GPM6A: variants seen among roughly 807,000 people sequenced by gnomAD.
GPM6A encodes neuronal membrane glycoprotein M6-a.
In GPM6A, 7 loss-of-function variants were observed where a neutral mutation model predicts 32.1. The observed-to-expected ratio is 0.22, with a 90% CI of 0.12 to 0.41. The LOEUF (loss-of-function observed/expected upper bound fraction) is 0.41. GPM6A is among the 10% of genes least tolerant of loss of function. GPM6A has a pLI of 1.00. For synonymous variants in GPM6A, 130 were observed against 123.4 expected (o/e 1.05, Z -0.35); for missense variants, 235 against 347.2 (o/e 0.68, Z 2.57).
chr4:175,917,925 C>T (rs566737780), intron 1 of GPM6A, among the ~76,000 whole-genome samples: 108 of 152,082 alleles, frequency 7.1e-4, no homozygotes, highest in Non-Finnish European at 1.2e-3. Context: ...CCTTCTTTCC[C>T]GGTTCCCTAT....
chr4:175,730,572 G>T (rs1424304556), intron 1 of GPM6A, among the ~76,000 whole-genome samples: 1 of 151,938 alleles, frequency 6.6e-6, no homozygotes, highest in East Asian at 1.9e-4. Context: ...CCGGGTTCAC[G>T]CCATTCTCCT....
chr4:175,910,728 C>A (rs1738287478), intron 1 of GPM6A, among the ~76,000 whole-genome samples: 1 of 152,174 alleles, frequency 6.6e-6, no homozygotes, highest in South Asian at 2.1e-4. Flanking sequence ...AATAATTCCA[C>A]ACTTTTTCTG....
At chr4:175,691,799 T>G (rs1278720906) in intron 2 of GPM6A, among the ~76,000 whole-genome samples, 1 of 152,186 alleles carries the variant, frequency 6.6e-6, no homozygotes, top group African/African-American at 2.4e-5. Flanking sequence ...GTGAGGAGAT[T>G]ACCCTGGATT....
chr4:175,730,219 CTTTT>C (rs1324007213), intron 1 of GPM6A, among the ~76,000 whole-genome samples: 21 of 151,964 alleles, frequency 1.4e-4, no homozygotes, highest in Admixed American at 1.4e-3. Flanking sequence ...ATTTTTACAT[CTTTT>C]TGTCATTTTC....
chr4:175,901,135 G>C (rs1317195046), intron 1 of GPM6A, among the ~76,000 whole-genome samples: 2 of 151,554 alleles, frequency 1.3e-5, no homozygotes, highest in African/African-American at 2.4e-5. Flanking sequence ...GAAGGATAGT[G>C]GGGGGCTGAG....
chr4:175,759,524 C>A (rs17658458), intron 1 of GPM6A, among the ~76,000 whole-genome samples: 55,048 of 151,864 alleles, frequency 0.36, 10,517 homozygotes, highest in Non-Finnish European at 0.43. Flanking sequence ...CCTATGCTGG[C>A]AATCAACCTA....
At chr4:175,724,852 A>G (rs1746323783) in intron 1 of GPM6A, among the ~76,000 whole-genome samples, 1 of 151,776 alleles carries the variant, frequency 6.6e-6, no homozygotes, top group Admixed American at 6.6e-5. Flanking sequence ...TGTCCCTCAT[A>G]ACTGCTCCGA....
At chr4:175,676,535 A>G (rs1322987517) in intron 2 of GPM6A, among the ~76,000 whole-genome samples, 2 of 152,182 alleles carry the variant, frequency 1.3e-5, no homozygotes, top group Non-Finnish European at 2.9e-5. Flanking sequence ...GATCACTTGA[A>G]CCATAGTTCG....
intron 3 of GPM6A, among the ~76,000 whole-genome samples, chr4:175,657,143 A>G (rs145710933): frequency 4.6e-5 from 7 of 152,330 alleles, no homozygotes; most frequent in Non-Finnish European, 8.8e-5. Context: ...GTATTTTCTC[A>G]TCTTGGAATG....
rs200242826 is a variant in GPM6A at position 175,645,275 on chromosome 4, G to A, written c.542-4446C>T. On this transcript the variant is annotated intron_variant, in intron 4 of 6. Transcript: ENST00000393658. ...AAGTAATATATTTCTGGAATTGTGA[G>A]AATTATTTGTACTTGAAATATGAAC... 2.6e-5 allele frequency among the ~76,000 whole-genome samples: 4 copies of A among 152,102 alleles called. No individual in the cohort carries two copies. The East Asian group carries it at 7.7e-4, about 29-fold the overall frequency.
rs183526569 is a variant in GPM6A at position 175,920,079 on chromosome 4, C to T, written c.-23+82230G>A. 1.4e-4 allele frequency among the ~76,000 whole-genome samples: 21 copies of T among 152,338 alleles called. No homozygotes were observed. The South Asian group carries it at 1.4e-3, about 11-fold the overall frequency. ...TCTAAAGGTGATGGAGCTTGGCTTA[C>T]GCCATCAATTGTGCATGTGAGTATG... On this transcript the variant is annotated intron_variant, in intron 1 of 7. Transcript: ENST00000280187.
chr4:175,993,584 C>T (rs1287026812), intron 1 of GPM6A, among the ~76,000 whole-genome samples: 2 of 152,114 alleles, frequency 1.3e-5, no homozygotes, highest in East Asian at 3.8e-4. Flanking sequence ...GCCTTCTTTC[C>T]TGTCTCCTGC....
chr4:175,919,234 C>A (rs1300710280), intron 1 of GPM6A, among the ~76,000 whole-genome samples: 1 of 152,034 alleles, frequency 6.6e-6, no homozygotes, highest in Non-Finnish European at 1.5e-5. Flanking sequence ...CAAATGAGGT[C>A]CCTGGCAGTC....
intron 1 of GPM6A, among the ~76,000 whole-genome samples, chr4:175,900,170 A>G (rs1908575): frequency 0.99 from 150,630 of 151,540 alleles, 74,871 homozygotes; most frequent in East Asian, 1. Flanking sequence ...CTACTTGGGA[A>G]GCTGAGGCAG....
At chr4:175,872,613 T>G (rs1736946737) in intron 1 of GPM6A, 1 of 152,232 alleles carries the variant, frequency 6.6e-6, no homozygotes, top group Non-Finnish European at 1.5e-5. Context: ...GAATATAATA[T>G]TAATAAATAC....
intron 1 of GPM6A, among the ~76,000 whole-genome samples, chr4:175,744,653 C>T (rs1047948090): frequency 1.3e-5 from 2 of 152,030 alleles, no homozygotes; most frequent in African/African-American, 4.8e-5. Context: ...ATGTAAAAGC[C>T]TTCAACAGTC....
At chr4:175,743,461 T>C (rs1420238054) in intron 1 of GPM6A, among the ~76,000 whole-genome samples, 2 of 151,570 alleles carry the variant, frequency 1.3e-5, no homozygotes, top group African/African-American at 4.8e-5. Context: ...CAAAATAAGC[T>C]ACAAGAAGAA....
At chr4:175,675,189 CT>C (rs1450172507) in intron 2 of GPM6A, among the ~76,000 whole-genome samples, 1 of 151,016 alleles carries the variant, frequency 6.6e-6, no homozygotes, top group Non-Finnish European at 1.5e-5. Flanking sequence ...ATTCATAGTC[CT>C]AGGTGTAGCT....
intron 1 of GPM6A, among the ~76,000 whole-genome samples, chr4:175,938,860 A>G (rs1739322951): frequency 6.6e-6 from 1 of 152,262 alleles, no homozygotes; most frequent in African/African-American, 2.4e-5. Context: ...AAATATGTAA[A>G]ATATTATGTA....
Sources: gnomAD v4.1 joint callset for allele counts (sites outside exome capture counted in the v4.1 genomes callset) on GRCh38, gnomAD v4.1.1 for gene constraint, MANE v1.5 for transcripts, NCBI Gene and HGNC (gene_info 2026-07-23, HGNC 2026-07-21) for gene names.